Variants in TMOD1 observed in about 807,000 individuals in gnomAD.
TMOD1 encodes the protein tropomodulin-1.
Under a neutral mutation model 40.6 loss-of-function variants are expected in TMOD1, and 17 were observed. That is an observed-to-expected ratio of 0.42 (90% CI 0.29 to 0.63). TMOD1 has a LOEUF of 0.63. Ranked by LOEUF, TMOD1 falls within the 20% of genes least tolerant of loss-of-function variation. TMOD1 has a pLI of 0.22. For synonymous variants in TMOD1, 181 were observed against 175.0 expected, an observed-to-expected ratio of 1.03 and a Z score of -0.27; for missense variants, 391 against 447.6, an observed-to-expected ratio of 0.87 and a Z score of 1.14.
At chr9:97,574,189 G>A (rs1243707859) in intron 8 of TMOD1, among the ~76,000 whole-genome samples, 27 of 152,142 alleles carry the variant, frequency 1.8e-4, no homozygotes, top group Non-Finnish European at 8.8e-5. Context: ...GGCCAGAGCC[G>A]GCTCCCTCAG....
chr9:97,507,070 C>T lies in TMOD1; in HGVS notation c.-49+5267C>T, dbSNP rs186315839. Reference sequence around the variant, plus strand: ...GTGAGTGCTAGTTACCACAAAGCTTCCTCCTGGCCATTGCATTAAGATAGT... The same window carrying T: ...GTGAGTGCTAGTTACCACAAAGCTTTCTCCTGGCCATTGCATTAAGATAGT... On this transcript the variant is annotated intron_variant, in intron 1 of 9. Transcript: ENST00000259365. 2.6e-5 allele frequency among the ~76,000 whole-genome samples: 4 copies of T among 152,342 alleles called. No homozygotes were observed. The East Asian group carries it at 7.7e-4, about 29-fold the overall frequency.
chr9:97,574,793 C>G (rs761291531), intron 8 of TMOD1, among the ~76,000 whole-genome samples: 9 of 152,250 alleles, frequency 5.9e-5, no homozygotes, highest in Non-Finnish European at 1.3e-4. Flanking sequence ...ACACCTGTAT[C>G]TAGCTACTCT....
chr9:97,553,229 G>A (rs201496972), intron 3 of TMOD1, 52 bp from the exon 4 acceptor site: 7 of 1,611,094 alleles, frequency 4.3e-6, no homozygotes, highest in Non-Finnish European at 5.1e-6. Flanking sequence ...GGGTCCACCA[G>A]AGGCTGTTCC....
intron 3 of TMOD1, 111 bp downstream of exon 3, chr9:97,546,452 C>T: frequency 8.5e-7 from 1 of 1,169,954 alleles, no homozygotes; most frequent in Admixed American, 2.6e-5. Flanking sequence ...ACTGGGCCTC[C>T]TTGTCCTCAT....
chr9:97,553,175 A>C, intron 3 of TMOD1, 106 bp from the exon 4 acceptor site: 1 of 1,533,000 alleles, frequency 6.5e-7, no homozygotes, highest in Non-Finnish European at 8.9e-7. Context: ...GACTCTCAGC[A>C]TGGAGGGACC....
chr9:97,559,815 ATATATATATG>A (rs768725796), intron 4 of TMOD1, among the ~76,000 whole-genome samples: 11,001 of 53,094 alleles, frequency 0.21, 1,042 homozygotes, highest in South Asian at 0.4. Context: ...ATATATATAT[ATATATATATG>A]TCTATCTATC....
intron 9 of TMOD1, among the ~76,000 whole-genome samples, chr9:97,595,531 TC>T (rs1221292996): frequency 6.9e-6 from 1 of 144,250 alleles, no homozygotes; most frequent in Non-Finnish European, 1.5e-5. Context: ...TGAACAAATT[TC>T]CTTTTTTTTT....
chr9:97,554,351 G>C (rs1830502849), intron 4 of TMOD1, among the ~76,000 whole-genome samples: 1 of 152,134 alleles, frequency 6.6e-6, no homozygotes, highest in African/African-American at 2.4e-5. Flanking sequence ...GGAGGAGCAG[G>C]AAGAGGGGAG....
At chr9:97,508,797 A>C (rs1375791242) in intron 1 of TMOD1, among the ~76,000 whole-genome samples, 1 of 152,194 alleles carries the variant, frequency 6.6e-6, no homozygotes, top group African/African-American at 2.4e-5. Flanking sequence ...TTCTCTGGAA[A>C]TATGGTCTTT....
At chr9:97,520,770 T>C (rs1400666853) in intron 1 of TMOD1, among the ~76,000 whole-genome samples, 1 of 152,176 alleles carries the variant, frequency 6.6e-6, no homozygotes, top group East Asian at 1.9e-4. Flanking sequence ...AATTTCATGA[T>C]TTGCCCCCCT....
chr9:97,588,576 A>G (rs1825930021), intron 8 of TMOD1, among the ~76,000 whole-genome samples: 1 of 152,172 alleles, frequency 6.6e-6, no homozygotes, highest in African/African-American at 2.4e-5. Context: ...TTGAAGCACA[A>G]AAGTTTTAAA....
intron 9 of TMOD1, among the ~76,000 whole-genome samples, chr9:97,599,367 T>C (rs1202741814): frequency 3.3e-5 from 5 of 152,230 alleles, no homozygotes; most frequent in Middle Eastern, 3.4e-3. Flanking sequence ...GCAAAGAAAA[T>C]AGCCGACTTA....
In TMOD1 at chr9:97,555,457, CTG is replaced by C. The variant is rs1378249755; in HGVS notation, c.397+2060_397+2061del. ...CCTGTGCCAGGTCAGAGCTGCAACTCTGTGCTACGTTTCTGTGTGGCTTTCTT... is the reference window on the plus strand; with the variant it reads ...CCTGTGCCAGGTCAGAGCTGCAACTCTGCTACGTTTCTGTGTGGCTTTCTT... On this transcript the variant is annotated intron_variant, in intron 4 of 9. Coordinates refer to ENST00000259365, the MANE Select transcript of TMOD1 (RefSeq NM_003275.4). 6 of 1,424,608 alleles carry C rather than the reference CTG, an allele frequency of 4.2e-6. No individual in the cohort carries two copies. In the South Asian group the frequency reaches 6.1e-5, roughly 14 times the overall value. 88.2% of individuals were successfully genotyped at this position (1,424,608 alleles called of 1,614,324 possible).
chr9:97,517,360 G>A (rs1284322386), intron 1 of TMOD1, among the ~76,000 whole-genome samples: 1 of 152,034 alleles, frequency 6.6e-6, no homozygotes, highest in Non-Finnish European at 1.5e-5. Context: ...TTTAAAATAA[G>A]AGAAAGAGCT....
intron 7 of TMOD1, among the ~76,000 whole-genome samples, 185 bp downstream of exon 7, chr9:97,566,140 T>C (rs1334962657): frequency 6.6e-6 from 1 of 152,096 alleles, no homozygotes; most frequent in Non-Finnish European, 1.5e-5. Context: ...CACCTACACG[T>C]CATCCTGGCC....
intron 9 of TMOD1, among the ~76,000 whole-genome samples, chr9:97,599,187 C>T (rs185752758): frequency 0.018 from 2,590 of 143,746 alleles, 31 homozygotes; most frequent in South Asian, 0.04. Context: ...GGTAATCTTT[C>T]GGGTGGAAAC....
At chr9:97,545,507 C>T (rs7045553) in intron 2 of TMOD1, among the ~76,000 whole-genome samples, 66,799 of 152,004 alleles carry the variant, frequency 0.44, 15,005 homozygotes, top group East Asian at 0.61. Flanking sequence ...TCTCCAGGGG[C>T]GACGTTCAAA....
rs1830589569 is a variant in TMOD1 at position 97,559,771 on chromosome 9, T to TAAAAAAA, written c.398-2961_398-2960insAAAAAAA. ...CAGAGCGAGACTCCGCCTCAAAAAT[T>TAAAAAAA]TAAAAAAAAAAAAAAAAAAAAAAAT... On this transcript the variant is annotated intron_variant, in intron 4 of 9. Transcript: ENST00000259365. Among the ~76,000 whole-genome samples, 12 of 63,326 alleles carry TAAAAAAA rather than the reference T, an allele frequency of 1.9e-4. 1 individual carries two copies. The highest frequency in any genetic ancestry group is 1.4e-3 in the East Asian group (3 of 2,154). The allele number at this position is 63,326 out of a possible 152,430, so 41.5% of individuals were successfully genotyped here. A position where few individuals can be genotyped will look rare whatever the true frequency, so the allele number is the denominator to read the frequency against.
chr9:97,524,433 C>A, intron 2 of TMOD1, 125 bp downstream of exon 2: 1 of 1,219,082 alleles, frequency 8.2e-7, no homozygotes. Flanking sequence ...TATAACTTTG[C>A]CTTTGCAGAT....
Sources: gnomAD v4.1 joint callset for allele counts (sites outside exome capture counted in the v4.1 genomes callset) on GRCh38, gnomAD v4.1.1 for gene constraint, MANE v1.5 for transcripts, NCBI Gene and HGNC (gene_info 2026-07-23, HGNC 2026-07-21) for gene names.